The following TRMO variants were observed in gnomAD, a reference collection of about 807,000 sequenced individuals.
TRMO encodes the protein tRNA (adenine(37)-N6)-methyltransferase.
Under a neutral mutation model 37.2 loss-of-function variants are expected in TRMO, and 30 were observed. The ratio of observed to expected loss-of-function variants is 0.81; its 90% confidence interval spans 0.60 to 1.09. The LOEUF is 1.09. Among genes scored for constraint, TRMO ranks in the 50% least tolerant of loss-of-function variants. The pLI, the probability that TRMO is intolerant of heterozygous loss-of-function variation, is 0.00. For missense variants in TRMO, 552 were observed against 549.5 expected, an observed-to-expected ratio of 1.00 and a Z score of -0.05; for synonymous variants, 239 against 199.4, an observed-to-expected ratio of 1.20 and a Z score of -1.67.
the TRMO span, among the ~76,000 whole-genome samples, chr9:97,899,277 A>G: frequency 1.3e-5 from 2 of 151,972 alleles, no homozygotes; most frequent in African/African-American, 4.8e-5. Context: ...GGTTCACGGT[A>G]CTGCACGTGT....
chr9:97,913,587 G>T, intron 2 of TRMO, 29 bp from the exon 3 acceptor site: 1 of 1,460,116 alleles, frequency 6.8e-7, no homozygotes, highest in Non-Finnish European at 9.5e-7. Flanking sequence ...AACAAACCAC[G>T]GAATAAGAAA....
At chr9:97,922,164 T>C (rs1248842869) in intron 1 of TRMO, among the ~76,000 whole-genome samples, 1 of 152,192 alleles carries the variant, frequency 6.6e-6, no homozygotes, top group Non-Finnish European at 1.5e-5. Context: ...TGCACGTAGC[T>C]GCTCCAGCTA....
intron 1 of TRMO, 47 bp from the exon 2 acceptor site, chr9:97,916,385 C>G: frequency 7.1e-7 from 1 of 1,401,600 alleles, no homozygotes; most frequent in East Asian, 2.3e-5. Context: ...AAGGTCAAAC[C>G]AAGTTGTAAG....
In TRMO at chr9:97,919,118, T is replaced by A. The variant is rs147446133; in HGVS notation, c.77-2780A>T. The stretch of plus-strand genomic sequence containing the variant: ...TTTACAGGCATTGTTTTTAGTTTTT[T>A]GTTTTTTCTTTTTAATCCTCATCCA... On this transcript the variant is annotated intron_variant, in intron 1 of 4. Transcript: ENST00000375119. 2.8e-4 allele frequency among the ~76,000 whole-genome samples: 43 copies of A among 152,332 alleles called. No homozygotes were observed. In the East Asian group the frequency reaches 8.1e-3, roughly 29 times the overall value.
At chr9:97,918,414 T>A (rs1459064170) in intron 1 of TRMO, among the ~76,000 whole-genome samples, 1 of 151,994 alleles carries the variant, frequency 6.6e-6, no homozygotes, top group Admixed American at 6.6e-5. Flanking sequence ...ACAATTTTTT[T>A]AAGTAATAAC....
chr9:97,902,778 A>G (rs1422021347), downstream of TRMO, among the ~76,000 whole-genome samples: 1 of 152,238 alleles, frequency 6.6e-6, no homozygotes, highest in African/African-American at 2.4e-5. Context: ...TTCAAAAGAA[A>G]AAACAACAAA....
rs763256440 is a variant in TRMO at position 97,910,105 on chromosome 9, G to T, written c.921C>A (p.Pro307=). Residue 307 remains proline (P), a synonymous_variant, in exon 4 of 5, where the codon CCC becomes CCA. Transcript: ENST00000375119. ...VLQGSRAETQ[P]MAPHCPAGRA... ...TTCCAGCAGGGCAGTGAGGGGCCAT[G>T]GGCTGTGTCTCTGCCCTGCTTCCTT... The T allele has an allele frequency of 6.2e-7, 1 of 1,614,126 alleles. No individual in the cohort carries two copies. Among genetic ancestry groups the T allele is most frequent in the Admixed American group, 1.7e-5 (1 of 60,028 alleles).
intron 4 of TRMO, among the ~76,000 whole-genome samples, chr9:97,908,719 TTTTAA>T (rs1241824046): frequency 3.3e-5 from 5 of 152,368 alleles, no homozygotes; most frequent in Admixed American, 6.5e-5. Flanking sequence ...CTTATTATAC[TTTTAA>T]TTTGTCTCTC....
At chr9:97,902,063 G>A (rs1587824908), downstream of TRMO, among the ~76,000 whole-genome samples, 1 of 152,348 alleles carries the variant, frequency 6.6e-6, no homozygotes, top group East Asian at 1.9e-4. Flanking sequence ...GCTAACTTGG[G>A]AGGGCAACCA....
the TRMO span, among the ~76,000 whole-genome samples, chr9:97,899,467 C>A: frequency 1.4e-5 from 2 of 141,478 alleles, no homozygotes; most frequent in Non-Finnish European, 3.2e-5. Flanking sequence ...GAGACAGAAT[C>A]TGGCTCTGTC....
intron 2 of TRMO, chr9:97,913,853 G>A (rs1044118717): frequency 3.5e-6 from 1 of 289,724 alleles, no homozygotes; most frequent in Non-Finnish European, 6.5e-6. Flanking sequence ...AGTGTCTGCT[G>A]TTTGCCAGGT....
intron 1 of TRMO, among the ~76,000 whole-genome samples, chr9:97,920,183 A>C: frequency 6.6e-6 from 1 of 152,370 alleles, no homozygotes; most frequent in South Asian, 2.1e-4. Flanking sequence ...GACTTGGGGT[A>C]CAAATATGAA....
Position 97,910,291 on chromosome 9 carries a change from AG to A in TRMO, c.734del (p.Pro245LeufsTer6). ...SDTARIQQAF[P>X]MHREIAVDFG... ...AATCCACTGCTATCTCCCTGTGCAT[AG>A]GAAATGCTTGCTGAATTCTGGCTGT... On this transcript the variant is annotated frameshift_variant, in exon 4 of 5. Transcript: ENST00000375119. LOFTEE classifies it high-confidence loss of function. 1 of 1,614,220 alleles carries A rather than the reference AG, an allele frequency of 6.2e-7. No individual in the cohort carries two copies. Among genetic ancestry groups the A allele is most frequent in the Non-Finnish European group, 8.5e-7 (1 of 1,180,032 alleles).
At chr9:97,918,026 A>AT (rs1438416538) in intron 1 of TRMO, among the ~76,000 whole-genome samples, 1 of 151,616 alleles carries the variant, frequency 6.6e-6, no homozygotes, top group Non-Finnish European at 1.5e-5. Context: ...GGGTGGTGAG[A>AT]TTTTTTAATT....
chr9:97,905,081 C>A, intron 4 of TRMO, 89 bp from the exon 5 acceptor site: 1 of 1,390,290 alleles, frequency 7.2e-7, no homozygotes. Flanking sequence ...TGGTTGGTTC[C>A]TTAAAGATCA....
Position 97,913,437 on chromosome 9 carries a change from T to A in TRMO, c.373A>T (p.Ile125Leu). ...TCCAGCTTGGCCAGGGTCAGTCCTA[T>A]TGCATTGGGACGATGAGGGCTCCTT... ...STRSPHRPNAIGLTLAKLEKV... is the reference protein window; with the variant it reads ...STRSPHRPNALGLTLAKLEKV... Residue 125 changes from isoleucine to leucine, a missense_variant, in exon 3 of 5, where the codon ATA (isoleucine) becomes TTA (leucine). Coordinates refer to ENST00000375119, the MANE Select transcript of TRMO (RefSeq NM_016481.5). The A allele has an allele frequency of 6.2e-7, 1 of 1,613,864 alleles. No homozygotes were observed. The highest frequency in any genetic ancestry group is 1.1e-5 in the South Asian group (1 of 91,090).
chr9:97,918,238 A>G (rs1826463191), intron 1 of TRMO, among the ~76,000 whole-genome samples: 1 of 150,934 alleles, frequency 6.6e-6, no homozygotes, highest in Non-Finnish European at 1.5e-5. Context: ...AAAAAAAAAA[A>G]TAATTAGCCA....
Position 97,922,449 on chromosome 9 carries a change from CG to C in TRMO, c.44del (p.Pro15ArgfsTer15), listed in dbSNP as rs756586569. On this transcript the variant is annotated frameshift_variant, in exon 1 of 5. Transcript: ENST00000375119. LOFTEE classifies it high-confidence loss of function. ...EESGPRPTAT[P>X]CGCVKPALET... is the part of the protein sequence containing the mutation. The stretch of plus-strand genomic sequence containing the variant: ...CCAGAGCCGGCTTAACGCAGCCGCA[CG>C]GGGTCGCTGTAGGCCGAGGCCCCGA... 1.4e-5 allele frequency: 23 copies of C among 1,588,178 alleles called. No individual in the cohort carries two copies. Among genetic ancestry groups the C allele is most frequent in the Non-Finnish European group, 2.0e-5 (23 of 1,168,068 alleles).
At chr9:97,922,088 T>C (rs1354924322) in intron 1 of TRMO, among the ~76,000 whole-genome samples, 2 of 152,182 alleles carry the variant, frequency 1.3e-5, no homozygotes, top group African/African-American at 4.8e-5. Context: ...TATTAATTCC[T>C]AACCCGCCTA....
Sources: allele counts gnomAD v4.1 joint callset (sites outside exome capture counted in the v4.1 genomes callset), GRCh38; gene constraint gnomAD v4.1.1; transcripts MANE v1.5; gene names NCBI Gene and HGNC (gene_info 2026-07-23, HGNC 2026-07-21).